Variants in TLL2 observed in about 807,000 individuals in gnomAD.
TLL2 encodes the protein tolloid-like protein 2.
In TLL2, 106 loss-of-function variants were observed where a neutral mutation model predicts 123.0. The observed-to-expected ratio is 0.86, with a 90% CI of 0.74 to 1.01. The LOEUF (loss-of-function observed/expected upper bound fraction) is 1.01, where lower values mean the gene tolerates loss of function less well. TLL2 is among the 50% of genes least tolerant of loss of function. The pLI, the probability that TLL2 is intolerant of heterozygous loss-of-function variation, is 0.00. For synonymous variants in TLL2, 494 were observed against 516.8 expected, an observed-to-expected ratio of 0.96 and a Z score of 0.60; for missense variants, 1,332 against 1,336.7, an observed-to-expected ratio of 1.00 and a Z score of 0.06.
intron 5 of TLL2, 147 bp downstream of exon 5, chr10:96,428,484 A>C: frequency 3.3e-6 from 2 of 602,540 alleles, no homozygotes; most frequent in Non-Finnish European, 5.8e-6. Context: ...CTGGATTGTA[A>C]TTTCACCAAG....
chr10:96,405,431 C>A, intron 9 of TLL2, 97 bp from the exon 10 acceptor site: 1 of 1,128,256 alleles, frequency 8.9e-7, no homozygotes, highest in Non-Finnish European at 1.3e-6. Flanking sequence ...TACCCTTTAG[C>A]ATGCAGAACT....
At chr10:96,504,208 G>A (rs868089579) in intron 1 of TLL2, among the ~76,000 whole-genome samples, 5 of 152,286 alleles carry the variant, frequency 3.3e-5, no homozygotes, top group South Asian at 4.1e-4. Context: ...TGGTTTCTTC[G>A]GTAGGGCTCA....
chr10:96,483,702 G>A (rs187932563), intron 1 of TLL2, among the ~76,000 whole-genome samples: 1 of 152,278 alleles, frequency 6.6e-6, no homozygotes, highest in East Asian at 1.9e-4. Context: ...TATACGGGAG[G>A]AGAAGGAAAG....
intron 2 of TLL2, among the ~76,000 whole-genome samples, chr10:96,463,268 C>T (rs774166155): frequency 2.0e-5 from 3 of 152,174 alleles, no homozygotes; most frequent in Non-Finnish European, 2.9e-5. Flanking sequence ...CTTCCCACTG[C>T]GTCACAGCAG....
intron 2 of TLL2, among the ~76,000 whole-genome samples, chr10:96,450,870 T>C (rs1331446891): frequency 6.6e-6 from 1 of 152,152 alleles, no homozygotes; most frequent in Non-Finnish European, 1.5e-5. Context: ...AAAAAATACA[T>C]ATATATCCCC....
chr10:96,402,472 C>T (rs572155016), intron 10 of TLL2, among the ~76,000 whole-genome samples: 163 of 152,334 alleles, frequency 1.1e-3, no homozygotes, highest in African/African-American at 3.8e-3. Context: ...GGAACCTCTG[C>T]TACTGGGAAT....
chr10:96,507,962 A>G (rs1430668820), intron 1 of TLL2, among the ~76,000 whole-genome samples: 1 of 152,248 alleles, frequency 6.6e-6, no homozygotes, highest in African/African-American at 2.4e-5. Context: ...CAAGGACATC[A>G]TAACAAGTTA....
At chr10:96,389,706 C>T (rs1015898632) in intron 13 of TLL2, among the ~76,000 whole-genome samples, 1 of 152,192 alleles carries the variant, frequency 6.6e-6, no homozygotes. Context: ...AGGCAGGACA[C>T]ACAGGCAAGA....
intron 4 of TLL2, among the ~76,000 whole-genome samples, chr10:96,431,091 A>G (rs1485601715): frequency 1.3e-5 from 2 of 152,228 alleles, no homozygotes; most frequent in Admixed American, 6.5e-5. Context: ...GTTAACTTTG[A>G]TGAAAGTAAT....
intron 2 of TLL2, among the ~76,000 whole-genome samples, chr10:96,453,473 A>G (rs549337948): frequency 6.6e-5 from 10 of 152,256 alleles, no homozygotes; most frequent in Non-Finnish European, 1.2e-4. Context: ...TAAAATAAAA[A>G]TAAATAAAAC....
chr10:96,386,055 G>A lies in TLL2; in HGVS notation c.2013C>T (p.Asp671=), dbSNP rs750719075. The change falls in exon 15 of 21, where the codon GAC becomes GAT. Residue 671 remains aspartate, a splice_region_variant and synonymous_variant. Coordinates refer to ENST00000357947, the MANE Select transcript of TLL2 (RefSeq NM_012465.4). ...AATCAATTAGAGCATGGAGACATAC[G>A]TCATTGCCTTCCAGTTCAAACACTT... The part of the protein sequence containing the change: ...QFEVFELEGN[D]VCKYDFVEVR... 38 of 1,593,160 alleles carry A rather than the reference G, an allele frequency of 2.4e-5. No individual in the cohort carries two copies. The highest frequency in any genetic ancestry group is 1.0e-4 in the Admixed American group (6 of 57,578).
chr10:96,405,373 G>A, intron 9 of TLL2, 39 bp from the exon 10 acceptor site: 1 of 1,598,432 alleles, frequency 6.3e-7, no homozygotes, highest in Non-Finnish European at 8.6e-7. Context: ...TGGCAGCAAA[G>A]CCTGAGGAGT....
At chr10:96,476,240 A>ATATATATATATATATATATATTTTTTT in intron 2 of TLL2, among the ~76,000 whole-genome samples, 12 of 20,442 alleles carry the variant, frequency 5.9e-4, no homozygotes, top group South Asian at 1.8e-3. Flanking sequence ...ATATATATAT[A>ATATATATATATATATATATATTTTTTT]TTTTATTTTT....
At chr10:96,429,861 G>A (rs796661598) in intron 4 of TLL2, among the ~76,000 whole-genome samples, 10 of 152,250 alleles carry the variant, frequency 6.6e-5, no homozygotes, top group African/African-American at 2.4e-4. Flanking sequence ...TCCTTGAGTG[G>A]AAATTTGCTG....
chr10:96,436,360 A>G (rs879184800), intron 3 of TLL2, among the ~76,000 whole-genome samples: 1 of 152,188 alleles, frequency 6.6e-6, no homozygotes, highest in Admixed American at 6.5e-5. Context: ...TAAATGTTCC[A>G]TGTTTTCTTA....
chr10:96,441,021 C>T (rs1360610327), intron 3 of TLL2, among the ~76,000 whole-genome samples: 2 of 151,968 alleles, frequency 1.3e-5, no homozygotes, highest in Non-Finnish European at 2.9e-5. Context: ...GGATTTAACA[C>T]GCTGGGGGTA....
intron 3 of TLL2, among the ~76,000 whole-genome samples, chr10:96,438,650 TTTTTCGTGC>T (rs1389605126): frequency 6.6e-6 from 1 of 152,220 alleles, no homozygotes; most frequent in Admixed American, 6.5e-5. Flanking sequence ...CTTTTCTTTG[TTTTTCGTGC>T]TTTACTGCAG....
intron 19 of TLL2, among the ~76,000 whole-genome samples, chr10:96,371,047 C>T (rs1002242573): frequency 1.3e-5 from 2 of 152,132 alleles, no homozygotes; most frequent in Non-Finnish European, 1.5e-5. Context: ...ATTGGCCGGG[C>T]GCAGTGGCTC....
At position 96,500,096 on chromosome 10, in the gene TLL2, C is replaced by T. The variant is rs1011894681; in HGVS notation, c.175+13415G>A. 1.1e-3 allele frequency among the ~76,000 whole-genome samples: 99 copies of T among 86,234 alleles called. 1 individual carries two copies. The Middle Eastern group carries it at 0.051, about 45-fold the overall frequency. The allele number at this position is 86,234 out of a possible 152,430, so 56.6% of individuals were successfully genotyped here. On this transcript the variant is annotated intron_variant, in intron 1 of 20. Coordinates refer to ENST00000357947, the MANE Select transcript of TLL2 (RefSeq NM_012465.4). ...AGGAGTTTGAGACCAGCCTGGCCAA[C>T]ATGATTTAAAAAAAAAAAAAAAAAG... is the stretch of plus-strand genomic sequence containing the variant.
Sources: allele counts gnomAD v4.1 joint callset (sites outside exome capture counted in the v4.1 genomes callset), GRCh38; gene constraint gnomAD v4.1.1; transcripts MANE v1.5; gene names NCBI Gene and HGNC (gene_info 2026-07-23, HGNC 2026-07-21).